Variants in FBXO11 observed in about 807,000 individuals in gnomAD.
The protein encoded by FBXO11 is F-box protein 11.
Under a neutral mutation model 117.0 loss-of-function variants are expected in FBXO11, and 13 were observed. That is an observed-to-expected ratio of 0.11 (90% CI 0.07 to 0.18). The LOEUF (loss-of-function observed/expected upper bound fraction) is 0.18, where lower values mean the gene tolerates loss of function less well. FBXO11 is among the 10% of genes least tolerant of loss of function. FBXO11 has a pLI of 1.00. For missense variants in FBXO11, 767 were observed against 1,164.4 expected, an observed-to-expected ratio of 0.66 and a Z score of 4.97; for synonymous variants, 490 against 380.5, an observed-to-expected ratio of 1.29 and a Z score of -3.35.
chr2:47,844,828 G>A (rs551571359), intron 1 of FBXO11, among the ~76,000 whole-genome samples: 1 of 152,206 alleles, frequency 6.6e-6, no homozygotes, highest in South Asian at 2.1e-4. Flanking sequence ...TAGAGACATG[G>A]TTTTGCCATG....
At chr2:47,840,074 G>T (rs1402400721) in intron 1 of FBXO11, among the ~76,000 whole-genome samples, 2 of 151,886 alleles carry the variant, frequency 1.3e-5, no homozygotes, top group African/African-American at 4.8e-5. Flanking sequence ...CTCCCGAGTA[G>T]CTGGGACTAC....
rs143653614 is a variant in FBXO11, at chr2:47,879,920, C to T, written c.232+25569G>A. Among the ~76,000 whole-genome samples the T allele has an allele frequency of 4.8e-4, 73 of 152,192 alleles. No homozygotes were observed. In the East Asian group the frequency reaches 0.011, roughly 23 times the overall value. On this transcript the variant is annotated intron_variant, in intron 1 of 22. Coordinates refer to ENST00000403359, the MANE Select transcript of FBXO11 (RefSeq NM_001190274.2). ...CCTCAAGGTTCATCTACGGTTGTATCACACAACAAAATTTCCTTTCTAAAG... is the reference window on the plus strand; with the variant it reads ...CCTCAAGGTTCATCTACGGTTGTATTACACAACAAAATTTCCTTTCTAAAG...
Position 47,809,692 on chromosome 2 carries a change from T to A in FBXO11, c.2354A>T (p.Asn785Ile). 1 of 1,612,992 alleles carries A rather than the reference T, an allele frequency of 6.2e-7. No homozygotes were observed. Among genetic ancestry groups the A allele is most frequent in the Non-Finnish European group, 8.5e-7 (1 of 1,179,426 alleles). Residue 785 changes from asparagine (N) to isoleucine (I), a missense_variant, in exon 20 of 23, where the codon AAT becomes ATT. By Grantham distance (149) the Asn-to-Ile change is moderately radical. Around this residue, in one of 10 missense-constraint regions of FBXO11, gnomAD observed 66 missense variants for 82.7 expected, o/e 0.80. Coordinates refer to ENST00000403359, the MANE Select transcript of FBXO11 (RefSeq NM_001190274.2). ...GCCTTCTAGTGTTGCAGTTGCGTGA[T>A]TTGTAATTTCAATACCTGAAGTAAA... ...DGFAAGIEIT[N>I]HATATLEGNQ... is the part of the protein sequence containing the mutation.
intron 1 of FBXO11, among the ~76,000 whole-genome samples, chr2:47,869,834 C>T (rs1163030387): frequency 1.3e-5 from 2 of 152,130 alleles, no homozygotes; most frequent in African/African-American, 4.8e-5. Context: ...GGAAGTATGA[C>T]CTGGCTAATT....
intron 1 of FBXO11, 91 bp from the exon 2 acceptor site, chr2:47,839,860 G>A: frequency 1.7e-6 from 2 of 1,143,814 alleles, no homozygotes; most frequent in Non-Finnish European, 2.5e-6. Flanking sequence ...TCAAATTCGG[G>A]AGGGAGCAGA....
chr2:47,905,401 CCCCCG>C, intron 1 of FBXO11, 83 bp downstream of exon 1: 1 of 1,056,368 alleles, frequency 9.5e-7, no homozygotes, highest in Non-Finnish European at 1.1e-6. Context: ...GCGCAGGCCG[CCCCCG>C]CCCGCCCGCC....
At chr2:47,832,171 G>C (rs188500408) in intron 11 of FBXO11, among the ~76,000 whole-genome samples, 178 bp downstream of exon 11, 1 of 152,078 alleles carries the variant, frequency 6.6e-6, no homozygotes, top group Non-Finnish European at 1.5e-5. Flanking sequence ...GGATATGTCT[G>C]ATGCATAAAT....
At chr2:47,903,074 C>G (rs1231548808) in intron 1 of FBXO11, among the ~76,000 whole-genome samples, 2 of 152,034 alleles carry the variant, frequency 1.3e-5, no homozygotes, top group South Asian at 2.1e-4. Context: ...ATAAAACTTT[C>G]GAAATAGAGT....
chr2:47,817,190 T>G (rs1471686269), intron 16 of FBXO11, among the ~76,000 whole-genome samples: 1 of 152,234 alleles, frequency 6.6e-6, no homozygotes, highest in African/African-American at 2.4e-5. Flanking sequence ...GCTTTTTTTC[T>G]TAAACCTCAT....
intron 10 of FBXO11, 23 bp downstream of exon 10, chr2:47,832,549 A>C (rs1672274023): frequency 6.2e-7 from 1 of 1,607,422 alleles, no homozygotes; most frequent in Non-Finnish European, 8.5e-7. Context: ...AAAAGAAAAA[A>C]ACCACACAAA....
Position 47,832,974 on chromosome 2 carries a change from A to T in FBXO11, c.1031T>A (p.Met344Lys). 1 of 1,610,420 alleles carries T rather than the reference A, an allele frequency of 6.2e-7. No individual in the cohort carries two copies. Among genetic ancestry groups the T allele is most frequent in the Non-Finnish European group, 8.5e-7 (1 of 1,176,680 alleles). The change falls in exon 8 of 23, where the codon ATG becomes AAG. Residue 344 changes from methionine to lysine, a missense_variant. Physicochemically the swap from Met to Lys is moderately conservative, Grantham distance 95. Around this residue, in one of 10 missense-constraint regions of FBXO11, gnomAD observed 123 missense variants for 145.0 expected, o/e 0.85. Transcript: ENST00000403359. Reference protein sequence around the residue: ...EGSEDAYVGYMTIRFNPDDKS... With the variant: ...EGSEDAYVGYKTIRFNPDDKS... Reference sequence around the variant, plus strand: ...CTTAACATGTCTTACCCTTATTGTCATATATCCAACATAAGCATCTTCAGA... The same window carrying T: ...CTTAACATGTCTTACCCTTATTGTCTTATATCCAACATAAGCATCTTCAGA...
intron 1 of FBXO11, among the ~76,000 whole-genome samples, chr2:47,896,020 T>TA: frequency 6.6e-6 from 1 of 152,214 alleles, no homozygotes; most frequent in Non-Finnish European, 1.5e-5. Flanking sequence ...TAAATGTATA[T>TA]AGCCCATTTA....
rs558394271 is a variant in FBXO11 at position 47,873,915 on chromosome 2, T to A, written c.232+31574A>T. 1.4e-3 allele frequency among the ~76,000 whole-genome samples: 209 copies of A among 152,308 alleles called. 1 individual carries two copies. Among genetic ancestry groups the A allele is most frequent in the African/African-American group, 4.5e-3 (186 of 41,566 alleles). Reference sequence around the variant, plus strand: ...ATTGTAAGGGCAGCTGGCTTTTTTTTAAAATATGTAACTTTAAAGCTGGGC... The same window carrying A: ...ATTGTAAGGGCAGCTGGCTTTTTTTAAAAATATGTAACTTTAAAGCTGGGC... On this transcript the variant is annotated intron_variant, in intron 1 of 22. Coordinates refer to ENST00000403359, the MANE Select transcript of FBXO11 (RefSeq NM_001190274.2).
chr2:47,883,672 T>C (rs960834469), intron 1 of FBXO11: 1 of 266,852 alleles, frequency 3.7e-6, no homozygotes, highest in African/African-American at 2.2e-5. Context: ...GTGTTGAGAC[T>C]TTGTGATGTT....
At chr2:47,808,469 T>C (rs1444749326) in intron 21 of FBXO11, 42 bp from the exon 22 acceptor site, 2 of 1,503,926 alleles carry the variant, frequency 1.3e-6, no homozygotes, top group Non-Finnish European at 1.8e-6. Flanking sequence ...AAACATGTCA[T>C]TAATGCAAAA....
chr2:47,879,898 C>A (rs1210995202), intron 1 of FBXO11, among the ~76,000 whole-genome samples: 1 of 152,136 alleles, frequency 6.6e-6, no homozygotes, highest in Non-Finnish European at 1.5e-5. Flanking sequence ...TGTAATTCCT[C>A]AAGGTTCATC....
chr2:47,897,566 G>T (rs1025973268), intron 1 of FBXO11, among the ~76,000 whole-genome samples: 18 of 152,142 alleles, frequency 1.2e-4, no homozygotes, highest in African/African-American at 4.1e-4. Context: ...GCATGGTGGT[G>T]TGCACCTATA....
chr2:47,859,058 A>G (rs1413021533), intron 1 of FBXO11, among the ~76,000 whole-genome samples: 2 of 138,808 alleles, frequency 1.4e-5, no homozygotes, highest in South Asian at 4.7e-4. Flanking sequence ...AAAAAAAAAA[A>G]GAAAAGAAAA....
intron 11 of FBXO11, among the ~76,000 whole-genome samples, chr2:47,825,973 A>G (rs991442121): frequency 1.3e-5 from 2 of 152,138 alleles, no homozygotes; most frequent in African/African-American, 4.8e-5. Context: ...TACACTGACT[A>G]AACAGTATTC....
Sources: allele counts gnomAD v4.1 joint callset (sites outside exome capture counted in the v4.1 genomes callset), GRCh38; gene constraint gnomAD v4.1.1; regional missense constraint gnomAD v4.1.1; transcripts MANE v1.5; gene names NCBI Gene and HGNC (gene_info 2026-07-23, HGNC 2026-07-21).